The following STAU2 variants were observed in gnomAD, a reference collection of about 807,000 sequenced individuals.
The protein encoded by STAU2 is double-stranded RNA-binding protein Staufen homolog 2.
In STAU2, 20 loss-of-function variants were observed where a neutral mutation model predicts 65.9. The ratio of observed to expected loss-of-function variants is 0.30; its 90% CI spans 0.21 to 0.44. STAU2 has a LOEUF of 0.44. STAU2 is among the 20% of genes least tolerant of loss of function. STAU2 has a pLI of 1.00. For missense variants in STAU2, 558 were observed against 683.9 expected, an observed-to-expected ratio of 0.82 and a Z score of 2.05; for synonymous variants, 232 against 233.9, an observed-to-expected ratio of 0.99 and a Z score of 0.07.
intron 4 of STAU2, chr8:73,697,547 T>C (rs995874631): frequency 6.6e-6 from 1 of 152,200 alleles, no homozygotes; most frequent in African/African-American, 2.4e-5. Context: ...ACACTGTACC[T>C]GTGGTGTATA....
intron 13 of STAU2, among the ~76,000 whole-genome samples, chr8:73,458,243 T>C (rs1470090833): frequency 1.3e-5 from 2 of 152,262 alleles, no homozygotes; most frequent in African/African-American, 4.8e-5. Flanking sequence ...TTCACCATTA[T>C]GATTTTCCTC....
At chr8:73,648,606 G>GTT (rs1325478303) in intron 6 of STAU2, among the ~76,000 whole-genome samples, 4 of 152,278 alleles carry the variant, frequency 2.6e-5, no homozygotes, top group African/African-American at 9.6e-5. Flanking sequence ...ACAATTTCAT[G>GTT]TATTTCCCTT....
intron 6 of STAU2, chr8:73,653,974 AG>A (rs1816104227): frequency 3.1e-6 from 1 of 323,946 alleles, no homozygotes; most frequent in South Asian, 2.4e-5. Context: ...TAATGTGGTT[AG>A]GAAGAGGGAA....
intron 6 of STAU2, chr8:73,669,022 C>T (rs756646810): frequency 2.9e-6 from 2 of 691,166 alleles, no homozygotes; most frequent in Non-Finnish European, 5.2e-6. Context: ...CCTTAAGAAG[C>T]TAATGATTAA....
chr8:73,421,547 G>T, intron 14 of STAU2, 82 bp from the exon 15 acceptor site: 2 of 1,309,758 alleles, frequency 1.5e-6, no homozygotes, highest in Non-Finnish European at 2.1e-6. Context: ...TGGCACAGAG[G>T]ATTCAAAGGT....
chr8:73,646,934 G>GA (rs1815418486), intron 6 of STAU2, among the ~76,000 whole-genome samples: 1 of 97,026 alleles, frequency 1.0e-5, no homozygotes, highest in East Asian at 2.8e-4. Flanking sequence ...AAGACACACA[G>GA]CCAGACACAC....
chr8:73,450,465 G>A (rs1419363920), intron 13 of STAU2, among the ~76,000 whole-genome samples: 2 of 152,186 alleles, frequency 1.3e-5, no homozygotes, highest in Non-Finnish European at 2.9e-5. Context: ...GGAGTCCAAG[G>A]AGAGGAAACT....
At chr8:73,516,157 T>G (rs1203998746) in intron 13 of STAU2, among the ~76,000 whole-genome samples, 2 of 151,924 alleles carry the variant, frequency 1.3e-5, no homozygotes, top group Non-Finnish European at 2.9e-5. Flanking sequence ...CCAGGTTAGT[T>G]GCAAACTACT....
At chr8:73,550,089 T>C (rs1231713593) in intron 13 of STAU2, 1 of 985,270 alleles carries the variant, frequency 1.0e-6, no homozygotes, top group African/African-American at 1.7e-5. Flanking sequence ...CTGCAGGTAG[T>C]GGTCCATCAA....
intron 13 of STAU2, chr8:73,550,629 C>T: frequency 2.0e-6 from 2 of 979,062 alleles, no homozygotes; most frequent in South Asian, 9.4e-5. Flanking sequence ...TTTTCCAGTA[C>T]TTTATATAAA....
At chr8:73,716,333 A>C (rs1030889039) in intron 3 of STAU2, among the ~76,000 whole-genome samples, 1 of 151,684 alleles carries the variant, frequency 6.6e-6, no homozygotes, top group African/African-American at 2.4e-5. Context: ...CAGGTGATCC[A>C]CCCGCCTCGG....
At chr8:73,662,362 TA>T (rs1228614065) in intron 6 of STAU2, among the ~76,000 whole-genome samples, 1 of 152,208 alleles carries the variant, frequency 6.6e-6, no homozygotes, top group Admixed American at 6.5e-5. Flanking sequence ...ACCAGAAGTT[TA>T]AATTTTGATG....
intron 13 of STAU2, among the ~76,000 whole-genome samples, chr8:73,442,468 AT>A (rs1297344533): frequency 6.6e-6 from 1 of 152,196 alleles, no homozygotes; most frequent in Non-Finnish European, 1.5e-5. Flanking sequence ...CATTAAGACA[AT>A]TTAACCATAC....
At chr8:73,736,050 A>C (rs1332041273) in intron 3 of STAU2, among the ~76,000 whole-genome samples, 2 of 152,234 alleles carry the variant, frequency 1.3e-5, no homozygotes, top group Admixed American at 6.5e-5. Flanking sequence ...GGAAACAGGA[A>C]GCACTAAGCA....
intron 13 of STAU2, among the ~76,000 whole-genome samples, chr8:73,457,185 A>G (rs1268084170): frequency 1.3e-5 from 2 of 150,330 alleles, no homozygotes; most frequent in Non-Finnish European, 3.0e-5. Flanking sequence ...GAAAATGGCG[A>G]GAATACTAAA....
intron 13 of STAU2, among the ~76,000 whole-genome samples, chr8:73,523,628 T>C (rs1823182941): frequency 6.6e-5 from 10 of 152,170 alleles, no homozygotes. Flanking sequence ...ATCTGTTTTC[T>C]ATCCCTATAG....
intron 12 of STAU2, among the ~76,000 whole-genome samples, chr8:73,555,880 T>C (rs1278885439): frequency 6.6e-6 from 1 of 152,238 alleles, no homozygotes; most frequent in Non-Finnish European, 1.5e-5. Flanking sequence ...TCCTTTATGT[T>C]AGCTTTCAAA....
At chr8:73,668,096 A>T (rs774008437) in intron 6 of STAU2, among the ~76,000 whole-genome samples, 15 of 152,160 alleles carry the variant, frequency 9.9e-5, no homozygotes, top group Non-Finnish European at 1.5e-5. Flanking sequence ...TAATTCCAGG[A>T]TGGACAGTTT....
chr8:73,523,402 T>C (rs1311266463), intron 13 of STAU2, among the ~76,000 whole-genome samples: 1 of 152,040 alleles, frequency 6.6e-6, no homozygotes, highest in African/African-American at 2.4e-5. Context: ...GATAAAGCAA[T>C]GAATCTGGCT....
Sources: gnomAD v4.1 joint callset for allele counts (sites outside exome capture counted in the v4.1 genomes callset) on GRCh38, gnomAD v4.1.1 for gene constraint, MANE v1.5 for transcripts, NCBI Gene and HGNC (gene_info 2026-07-23, HGNC 2026-07-21) for gene names.